The following KCNU1 variants were observed in gnomAD, a reference collection of about 807,000 sequenced individuals.
KCNU1 encodes the protein potassium calcium-activated channel subfamily U member 1, also known as potassium channel subfamily U member 1.
In KCNU1, 93 loss-of-function variants were observed where a neutral mutation model predicts 126.8. That is an observed-to-expected ratio of 0.73 (90% CI 0.62 to 0.87). The LOEUF is 0.87. Among genes scored for constraint, KCNU1 ranks in the 40% least tolerant of loss-of-function variants. KCNU1 has a pLI of 0.00. For missense variants in KCNU1, 1,330 were observed against 1,367.1 expected (o/e 0.97, Z 0.43); for synonymous variants, 523 against 494.2 (o/e 1.06, Z -0.77).
Position 36,862,185 on chromosome 8 carries a change from G to GTAGA in KCNU1, c.1892-2204_1892-2201dup, listed in dbSNP as rs529675811. Among the ~76,000 whole-genome samples the GTAGA allele has an allele frequency of 2.7e-3, 413 of 152,090 alleles. 1 individual carries two copies. Among genetic ancestry groups the GTAGA allele is most frequent in the Middle Eastern group, 0.014 (4 of 294 alleles). ...TAGTTAGCTATAGGTAGGTAGGTAG[G>GTAGA]TAGATAGATAGATAGATAATAGATA... On this transcript the variant is annotated intron_variant, in intron 18 of 26. Transcript: ENST00000399881.
At chr8:36,873,475 T>C (rs1462174948) in intron 19 of KCNU1, among the ~76,000 whole-genome samples, 1 of 152,200 alleles carries the variant, frequency 6.6e-6, no homozygotes, top group East Asian at 1.9e-4. Flanking sequence ...TATTATTGGC[T>C]TTTATACAAT....
chr8:36,812,810 G>C (rs1803773069), intron 7 of KCNU1, among the ~76,000 whole-genome samples: 1 of 152,158 alleles, frequency 6.6e-6, no homozygotes, highest in Admixed American at 6.5e-5. Context: ...TACTGAGAAA[G>C]TGGAAAGGGA....
intron 19 of KCNU1, among the ~76,000 whole-genome samples, chr8:36,889,653 A>G (rs1005090423): frequency 2.0e-5 from 3 of 152,158 alleles, no homozygotes; most frequent in African/African-American, 7.2e-5. Flanking sequence ...TAAAATGTGA[A>G]TATATGCATA....
chr8:36,801,484 T>TG (rs1162955464), intron 2 of KCNU1, among the ~76,000 whole-genome samples: 6 of 151,692 alleles, frequency 4.0e-5, no homozygotes, highest in South Asian at 2.1e-4. Context: ...TTCCATGGGT[T>TG]GGGGGGGTTG....
chr8:36,814,985 T>G (rs1427241533), intron 8 of KCNU1, among the ~76,000 whole-genome samples: 2 of 152,108 alleles, frequency 1.3e-5, no homozygotes, highest in Non-Finnish European at 1.5e-5. Flanking sequence ...TATGCTTTCA[T>G]TTTTCCAAGC....
At chr8:36,807,609 A>C (rs1479674112) in intron 6 of KCNU1, among the ~76,000 whole-genome samples, 159 bp downstream of exon 6, 1 of 152,068 alleles carries the variant, frequency 6.6e-6, no homozygotes, top group Non-Finnish European at 1.5e-5. Context: ...ACATTCTCCC[A>C]TTATATTACA....
intron 18 of KCNU1, among the ~76,000 whole-genome samples, chr8:36,854,614 T>G (rs1805467869): frequency 6.6e-6 from 1 of 152,068 alleles, no homozygotes; most frequent in South Asian, 2.1e-4. Flanking sequence ...TTGTGAGACA[T>G]CATTCTCATA....
intron 10 of KCNU1, among the ~76,000 whole-genome samples, chr8:36,826,715 T>A (rs1804338112): frequency 1.3e-5 from 2 of 152,072 alleles, no homozygotes; most frequent in South Asian, 4.1e-4. Flanking sequence ...TGATTCTTTT[T>A]TTTAAAAAAA....
intron 22 of KCNU1, 75 bp from the exon 23 acceptor site, chr8:36,918,748 T>C: frequency 2.2e-6 from 2 of 896,310 alleles, no homozygotes; most frequent in Non-Finnish European, 3.7e-6. Context: ...CCAAGTTACA[T>C]TATATTCTTC....
At chr8:36,786,605 G>T (rs1365719289) in intron 1 of KCNU1, among the ~76,000 whole-genome samples, 1 of 152,128 alleles carries the variant, frequency 6.6e-6, no homozygotes, top group African/African-American at 2.4e-5. Flanking sequence ...GGTGGTTCTA[G>T]ACTATTATCA....
intron 2 of KCNU1, among the ~76,000 whole-genome samples, chr8:36,803,762 C>A (rs970507906): frequency 3.3e-5 from 5 of 152,148 alleles, no homozygotes; most frequent in African/African-American, 4.8e-5. Flanking sequence ...GAAGGACAAA[C>A]TGTGTATTCT....
chr8:36,927,950 G>A (rs1585578311), intron 24 of KCNU1, among the ~76,000 whole-genome samples: 1 of 148,966 alleles, frequency 6.7e-6, no homozygotes. Context: ...GAGGGAGGAA[G>A]GGAGGGAGGG....
chr8:36,803,472 A>G (rs1803384723), intron 2 of KCNU1, among the ~76,000 whole-genome samples: 1 of 150,870 alleles, frequency 6.6e-6, no homozygotes, highest in Admixed American at 6.6e-5. Context: ...TATTTTACAG[A>G]GGCACTGGCA....
At position 36,845,847 on chromosome 8, in the gene KCNU1, T is replaced by C; in HGVS notation, c.1839T>C (p.Pro613=). 6.2e-7 allele frequency: 1 copy of C among 1,609,982 alleles called. No homozygotes were observed. The highest frequency in any genetic ancestry group is 8.5e-7 in the Non-Finnish European group (1 of 1,177,696). ...CSVCHDDVFI[P]ELITNCGCKS... is the part of the protein sequence containing the mutation. ...TCTGTCATGATGATGTGTTCATTCC[T>C]GAGCTAATTACAAACTGTGGCTGCA... Residue 613 remains proline (P), a synonymous_variant, in exon 18 of 27, where the codon CCT becomes CCC. Coordinates refer to ENST00000399881, the MANE Select transcript of KCNU1 (RefSeq NM_001031836.3).
intron 2 of KCNU1, among the ~76,000 whole-genome samples, chr8:36,796,200 C>T (rs542165215): frequency 6.6e-5 from 10 of 152,138 alleles, no homozygotes; most frequent in East Asian, 3.9e-4. Flanking sequence ...GAGGGGTTTT[C>T]GATTGGGGAT....
At chr8:36,839,949 T>C (rs1208553307) in intron 14 of KCNU1, among the ~76,000 whole-genome samples, 1 of 152,232 alleles carries the variant, frequency 6.6e-6, no homozygotes, top group Admixed American at 6.5e-5. Context: ...GATTTCTCCA[T>C]TCTCTCTTCC....
chr8:36,784,407 G>A lies in KCNU1; in HGVS notation c.-4G>A, dbSNP rs376712465. The A allele has an allele frequency of 2.7e-5, 44 of 1,608,144 alleles. No homozygotes were observed. The highest frequency in any genetic ancestry group is 2.7e-4 in the African/African-American group (20 of 74,864). On this transcript the variant is annotated 5_prime_UTR_variant, in exon 1 of 27. Coordinates refer to ENST00000399881, the MANE Select transcript of KCNU1 (RefSeq NM_001031836.3). The stretch of plus-strand genomic sequence containing the variant: ...TGGCAATTCCGTCTACTGATGTCTC[G>A]AACATGTTTCAGACTAAGCTACGAA...
intron 19 of KCNU1, among the ~76,000 whole-genome samples, chr8:36,887,257 T>A (rs1278432945): frequency 1.3e-5 from 2 of 152,142 alleles, no homozygotes; most frequent in Non-Finnish European, 2.9e-5. Context: ...TAATTTACAT[T>A]CCCACCAACC....
At chr8:36,828,627 C>T (rs867903085) in intron 10 of KCNU1, among the ~76,000 whole-genome samples, 5 of 152,134 alleles carry the variant, frequency 3.3e-5, no homozygotes, top group Middle Eastern at 6.8e-3. Context: ...ATATTCATTT[C>T]CCTCAGTTCC....
Sources: gnomAD v4.1 joint callset for allele counts (sites outside exome capture counted in the v4.1 genomes callset) on GRCh38, gnomAD v4.1.1 for gene constraint, MANE v1.5 for transcripts, NCBI Gene and HGNC (gene_info 2026-07-23, HGNC 2026-07-21) for gene names.